TG: variants seen among roughly 807,000 people sequenced by gnomAD.
TG encodes the protein thyroid hormones.
Under a neutral mutation model 324.7 loss-of-function variants are expected in TG, and 270 were observed. The ratio of observed to expected loss-of-function variants is 0.83; its 90% CI spans 0.75 to 0.92. The LOEUF (loss-of-function observed/expected upper bound fraction) is 0.92, where lower values mean the gene tolerates loss of function less well. Ranked by LOEUF, TG falls within the 40% of genes least tolerant of loss-of-function variation. TG has a pLI of 0.00. For synonymous variants in TG, 1,401 were observed against 1,327.0 expected (o/e 1.06, Z -1.21); for missense variants, 3,591 against 3,456.4 (o/e 1.04, Z -0.98).
chr8:132,988,594 C>A (rs1321025091), intron 35 of TG: 4 of 503,210 alleles, frequency 7.9e-6, no homozygotes, highest in Non-Finnish European at 1.0e-5. Flanking sequence ...ACAATTATAT[C>A]AACGGTGTAT....
chr8:133,036,293 G>T (rs1837121304), intron 41 of TG, among the ~76,000 whole-genome samples: 3 of 152,142 alleles, frequency 2.0e-5, no homozygotes, highest in Admixed American at 2.0e-4. Flanking sequence ...GTTTATTTAT[G>T]ATGTCAAGCT....
At chr8:132,990,927 T>TC (rs1167829094) in intron 35 of TG, among the ~76,000 whole-genome samples, 1 of 151,780 alleles carries the variant, frequency 6.6e-6, no homozygotes, top group African/African-American at 2.4e-5. Context: ...TTTTTTTTTT[T>TC]TTTTTTTAGC....
chr8:133,114,033 G>T (rs537006012), intron 44 of TG, among the ~76,000 whole-genome samples: 5 of 152,300 alleles, frequency 3.3e-5, no homozygotes, highest in Admixed American at 1.3e-4. Flanking sequence ...ACACGTGAGC[G>T]CATTTAAAGG....
intron 41 of TG, chr8:133,037,820 C>T (rs1837370616): frequency 6.6e-6 from 1 of 152,248 alleles, no homozygotes; most frequent in South Asian, 2.1e-4. Context: ...TCTAGTCTCG[C>T]CTCCTCGATT....
At position 133,017,791 on chromosome 8, in the gene TG, C is replaced by T. The variant is rs765088305; in HGVS notation, c.6576C>T (p.Leu2192=). ...CTTTCCCAACAGGAATCTCTCTGCT[C>T]AGCTATGAGGCATCTGTACCTTCTG... ...HIYRKPGISL[L]SYEASVPSVP... is the part of the protein sequence containing the mutation. The change falls in exon 38 of 48, where the codon CTC becomes CTT. Residue 2192 remains leucine, a synonymous_variant. Coordinates refer to ENST00000220616, the MANE Select transcript of TG (RefSeq NM_003235.5). 2 of 1,614,202 alleles carry T rather than the reference C, an allele frequency of 1.2e-6. No individual in the cohort carries two copies. The highest frequency in any genetic ancestry group is 1.7e-6 in the Non-Finnish European group (2 of 1,180,036).
At chr8:132,897,594 A>G (rs891415757) in intron 11 of TG, 55 bp from the exon 12 acceptor site, 1 of 1,612,502 alleles carries the variant, frequency 6.2e-7, no homozygotes, top group Admixed American at 1.7e-5. Context: ...TCTCAGCTAC[A>G]GAGCCCACAC....
intron 5 of TG, among the ~76,000 whole-genome samples, chr8:132,876,659 A>T (rs1284646284): frequency 2.0e-5 from 3 of 152,118 alleles, no homozygotes; most frequent in Admixed American, 1.3e-4. Flanking sequence ...TGGCTGGAAA[A>T]TTTTAAAGAA....
At chr8:132,966,355 TC>T (rs1828554543) in intron 29 of TG, among the ~76,000 whole-genome samples, 1 of 152,154 alleles carries the variant, frequency 6.6e-6, no homozygotes, top group Non-Finnish European at 1.5e-5. Flanking sequence ...TCTGAACTAT[TC>T]CTGTCTGACC....
intron 4 of TG, among the ~76,000 whole-genome samples, chr8:132,872,815 TA>T (rs1252800282): frequency 1.3e-5 from 2 of 152,196 alleles, no homozygotes; most frequent in Non-Finnish European, 2.9e-5. Flanking sequence ...CTCATTACAA[TA>T]ACATGCTGTA....
rs746949152 is a variant in TG at position 132,948,955 on chromosome 8, C to T, written c.5401+12C>T. On this transcript the variant is annotated intron_variant, in intron 27 of 47. Transcript: ENST00000220616. ...GGAGTTCATCAAGAGTAAGTCTTTG[C>T]CATTTGTCCATATTCTTTCAAAATT... 3 of 1,611,636 alleles carry T rather than the reference C, an allele frequency of 1.9e-6. No individual in the cohort carries two copies. The highest frequency in any genetic ancestry group is 2.2e-5 in the East Asian group (1 of 44,868).
intron 27 of TG, among the ~76,000 whole-genome samples, chr8:132,953,426 A>C (rs1204522225): frequency 6.6e-6 from 1 of 152,180 alleles, no homozygotes; most frequent in Non-Finnish European, 1.5e-5. Context: ...AGATACAGAG[A>C]TTATTAAATA....
At chr8:132,874,508 ATTCTC>A (rs1839782878) in intron 5 of TG, among the ~76,000 whole-genome samples, 2 of 152,144 alleles carry the variant, frequency 1.3e-5, no homozygotes. Flanking sequence ...ACTGATATGA[ATTCTC>A]TTGGAGAACT....
Position 132,983,426 on chromosome 8 carries a change from CT to C in TG, c.6262+19del. 1 of 1,611,402 alleles carries C rather than the reference CT, an allele frequency of 6.2e-7. No individual in the cohort carries two copies. Among genetic ancestry groups the C allele is most frequent in the Non-Finnish European group, 8.5e-7 (1 of 1,177,536 alleles). Reference sequence around the variant, plus strand: ...TCACAGAGAAAGGTAAGTTCATTGTCTTTTTATCTCTTGGATGAGAGTACCC... The same window carrying C: ...TCACAGAGAAAGGTAAGTTCATTGTCTTTTATCTCTTGGATGAGAGTACCC... On this transcript the variant is annotated intron_variant, in intron 35 of 47. Transcript: ENST00000220616.
intron 35 of TG, among the ~76,000 whole-genome samples, chr8:132,999,535 T>A (rs1833242029): frequency 6.6e-6 from 1 of 152,168 alleles, no homozygotes; most frequent in Non-Finnish European, 1.5e-5. Context: ...ACCCACCCAT[T>A]GAGGTGCATA....
chr8:133,033,272 C>T (rs1836798239), intron 41 of TG, among the ~76,000 whole-genome samples: 1 of 152,170 alleles, frequency 6.6e-6, no homozygotes, highest in Non-Finnish European at 1.5e-5. Context: ...AAATCAAGCT[C>T]CTTCTTCCCT....
intron 41 of TG, among the ~76,000 whole-genome samples, chr8:133,065,112 G>T (rs1194097259): frequency 6.6e-6 from 1 of 152,200 alleles, no homozygotes; most frequent in East Asian, 1.9e-4. Context: ...GTGTGGTGCG[G>T]CAAGTGGAGA....
intron 11 of TG, 65 bp downstream of exon 11, chr8:132,893,994 C>T: frequency 1.9e-6 from 3 of 1,612,586 alleles, no homozygotes; most frequent in Non-Finnish European, 2.5e-6. Flanking sequence ...TTAAATTCGT[C>T]TCTCCTCAGT....
Position 133,131,939 on chromosome 8 carries a change from A to G in TG, c.7990A>G (p.Arg2664Gly), listed in dbSNP as rs1266498278. 6.2e-7 allele frequency: 1 copy of G among 1,614,048 alleles called. No homozygotes were observed. Among genetic ancestry groups the G allele is most frequent in the Non-Finnish European group, 8.5e-7 (1 of 1,179,996 alleles). ...KIMQYFSHFI[R>G]SGNPNYPYEF... ...CATGCAGTACTTTTCCCACTTCATC[A>G]GATCAGGGTAATTTTGGACCACTTG... Residue 2664 changes from arginine (R) to glycine (G), a missense_variant, in exon 46 of 48, where the codon AGA (arginine) becomes GGA (glycine). Coordinates refer to ENST00000220616, the MANE Select transcript of TG (RefSeq NM_003235.5).
intron 38 of TG, among the ~76,000 whole-genome samples, chr8:133,019,215 T>C (rs935406864): frequency 9.2e-5 from 14 of 152,202 alleles, no homozygotes; most frequent in Admixed American, 1.3e-4. Flanking sequence ...ACTGTAGGAC[T>C]CTGTACTGGT....
Sources: allele counts gnomAD v4.1 joint callset (sites outside exome capture counted in the v4.1 genomes callset), GRCh38; gene constraint gnomAD v4.1.1; transcripts MANE v1.5; gene names NCBI Gene and HGNC (gene_info 2026-07-23, HGNC 2026-07-21).